Variants in PCDHA2 observed in about 807,000 individuals in gnomAD.
PCDHA2 encodes the protein protocadherin alpha-2.
A neutral mutation model predicts 66.0 loss-of-function variants in PCDHA2; 58 were observed. The observed-to-expected ratio is 0.88, with a 90% CI of 0.71 to 1.09. The LOEUF is 1.09. Ranked by LOEUF, PCDHA2 falls within the 50% of genes least tolerant of loss-of-function variation. The pLI, the probability that PCDHA2 is intolerant of heterozygous loss-of-function variation, is 0.00. For missense variants in PCDHA2, 1,267 were observed against 1,242.3 expected, an observed-to-expected ratio of 1.02 and a Z score of -0.30; for synonymous variants, 634 against 554.0, an observed-to-expected ratio of 1.14 and a Z score of -2.03.
chr5:140,942,618 GT>G (rs1372135994), intron 1 of PCDHA2, among the ~76,000 whole-genome samples: 1 of 97,742 alleles, frequency 1.0e-5, no homozygotes, highest in African/African-American at 5.0e-5. Context: ...TTTGCCAATT[GT>G]AAAAAAAAAA....
chr5:140,828,272 C>T (rs1301296827), intron 1 of PCDHA2: 2 of 1,614,040 alleles, frequency 1.2e-6, no homozygotes, highest in Non-Finnish European at 1.7e-6. Context: ...GGAGCTGGTG[C>T]CGCGCCTGTT....
chr5:140,948,496 A>C (rs1258443825), intron 1 of PCDHA2, among the ~76,000 whole-genome samples: 1 of 151,522 alleles, frequency 6.6e-6, no homozygotes, highest in African/African-American at 2.4e-5. Context: ...TCTTTCATAG[A>C]CTTTCTATTA....
intron 1 of PCDHA2, chr5:140,829,566 A>G (rs1554132093): frequency 1.9e-6 from 3 of 1,612,588 alleles, no homozygotes; most frequent in Non-Finnish European, 2.5e-6. Flanking sequence ...CTGGTGTCCT[A>G]CTCGCTGGTG....
At chr5:140,823,311 G>T (rs2150124582) in intron 1 of PCDHA2, 1 of 1,612,350 alleles carries the variant, frequency 6.2e-7, no homozygotes, top group South Asian at 1.1e-5. Flanking sequence ...TGCACGCGGA[G>T]AGCGGCAAGG....
chr5:140,855,791 A>T, intron 1 of PCDHA2: 1 of 446,278 alleles, frequency 2.2e-6, no homozygotes, highest in Non-Finnish European at 4.0e-6. Flanking sequence ...AAAAAGAATT[A>T]ACATATGAAT....
intron 1 of PCDHA2, chr5:140,967,123 C>A (rs1554229191): frequency 4.3e-6 from 7 of 1,612,606 alleles, no homozygotes; most frequent in African/African-American, 2.7e-5. Context: ...GCTGCCTGCT[C>A]AGCTTGGAAG....
chr5:141,000,887 AAC>A (rs1554257872), intron 3 of PCDHA2, among the ~76,000 whole-genome samples: 4 of 152,188 alleles, frequency 2.6e-5, no homozygotes. Context: ...CAACCTGGGC[AAC>A]AGATATAGAC....
chr5:140,801,040 A>G, intron 1 of PCDHA2: 27 of 1,431,400 alleles, frequency 1.9e-5, no homozygotes, highest in Non-Finnish European at 2.5e-5. Flanking sequence ...TTCTCCACAA[A>G]AGAAATAACA....
intron 1 of PCDHA2, chr5:140,877,765 C>T (rs377126743): frequency 4.3e-6 from 7 of 1,614,176 alleles, no homozygotes; most frequent in Non-Finnish European, 5.1e-6. Context: ...AGAGAGCCCG[C>T]CCAAGACGGA....
At position 140,807,677 on chromosome 5, in the gene PCDHA2, G is replaced by A. The variant is rs782620777; in HGVS notation, c.2388+10325G>A. ...GGGCGCCTCGGATGCAGATATCGGG[G>A]AGAACGCCCTGCTCACTTACAGACT... is the stretch of plus-strand genomic sequence containing the variant. On this transcript the variant is annotated intron_variant, in intron 1 of 3. Transcript: ENST00000526136. The A allele has an allele frequency of 1.1e-5, 17 of 1,614,072 alleles. No homozygotes were observed. The Admixed American group carries it at 2.7e-4, about 25-fold the overall frequency.
In PCDHA2 at chr5:140,968,374, C is replaced by T. The variant is rs782537254; in HGVS notation, c.2389-10575C>T. On this transcript the variant is annotated intron_variant, in intron 1 of 3. Coordinates refer to ENST00000526136, the MANE Select transcript of PCDHA2 (RefSeq NM_018905.3). ...GTGGCAGCCTTTATGCTGTCAACTC[C>T]TTTGACTATGAGAAGTTTCGGGAGT... is the stretch of plus-strand genomic sequence containing the variant. 5.0e-6 allele frequency: 8 copies of T among 1,614,064 alleles called. No homozygotes were observed. The Admixed American group carries it at 1.0e-4, about 20-fold the overall frequency.
At chr5:140,927,412 G>T (rs781968521) in intron 1 of PCDHA2, 1 of 1,614,122 alleles carries the variant, frequency 6.2e-7, no homozygotes, top group East Asian at 2.2e-5. Flanking sequence ...CCTGGACATG[G>T]GATCGCGGGT....
rs532145972 is a variant in PCDHA2 at position 140,957,602 on chromosome 5, C to T, written c.2389-21347C>T. On this transcript the variant is annotated intron_variant, in intron 1 of 3. Transcript: ENST00000526136. Reference sequence around the variant, plus strand: ...TTAACAAAGCACTTCCCAGAATAAACACACAGACATATACATGCACACACT... The same window carrying T: ...TTAACAAAGCACTTCCCAGAATAAATACACAGACATATACATGCACACACT... 3.3e-5 allele frequency among the ~76,000 whole-genome samples: 5 copies of T among 152,174 alleles called. No homozygotes were observed. In the East Asian group the frequency reaches 9.6e-4, roughly 29 times the overall value.
rs782751288 is a variant in PCDHA2, at chr5:140,803,447, C to T, written c.2388+6095C>T. 15 of 1,614,048 alleles carry T rather than the reference C, an allele frequency of 9.3e-6. No individual in the cohort carries two copies. In the Admixed American group the frequency reaches 2.0e-4, roughly 22 times the overall value. The stretch of plus-strand genomic sequence containing the variant: ...CCAGCGCGGTGGGGAGCTGGTCATA[C>T]TCGCAGCAGAGGCAGCAGAGGGTGT... On this transcript the variant is annotated intron_variant, in intron 1 of 3. Transcript: ENST00000526136.
At chr5:140,989,744 T>C (rs1354218140) in intron 3 of PCDHA2, among the ~76,000 whole-genome samples, 1 of 152,200 alleles carries the variant, frequency 6.6e-6, no homozygotes, top group Non-Finnish European at 1.5e-5. Context: ...CATTGCCTAA[T>C]CTGGAGAAAC....
At chr5:140,817,799 C>T (rs2150099145) in intron 1 of PCDHA2, among the ~76,000 whole-genome samples, 76 of 152,158 alleles carry the variant, frequency 5.0e-4, no homozygotes, top group African/African-American at 1.7e-3. Context: ...GTAAAGAAAC[C>T]TTTACGTTTT....
intron 1 of PCDHA2, among the ~76,000 whole-genome samples, chr5:140,931,396 G>A (rs1554208395): frequency 1.3e-5 from 2 of 152,118 alleles, no homozygotes; most frequent in Non-Finnish European, 2.9e-5. Context: ...ATAAGTAAGC[G>A]ATAGGAAGGC....
intron 1 of PCDHA2, chr5:140,836,375 C>T (rs2150258961): frequency 4.3e-6 from 7 of 1,613,712 alleles, no homozygotes; most frequent in South Asian, 1.1e-5. Context: ...CCACAGCCAC[C>T]GTGCTGGTGT....
At chr5:140,883,690 C>T (rs1313254041) in intron 1 of PCDHA2, 1 of 1,613,870 alleles carries the variant, frequency 6.2e-7, no homozygotes, top group Non-Finnish European at 8.5e-7. Context: ...GCTGCCACAT[C>T]TTCACGGTGT....
Sources: gnomAD v4.1 joint callset for allele counts (sites outside exome capture counted in the v4.1 genomes callset) on GRCh38, gnomAD v4.1.1 for gene constraint, MANE v1.5 for transcripts, NCBI Gene and HGNC (gene_info 2026-07-23, HGNC 2026-07-21) for gene names.